FGGY: variants seen among roughly 807,000 people sequenced by gnomAD.
FGGY encodes FGGY carbohydrate kinase domain containing, also known as FGGY carbohydrate kinase domain-containing protein.
FGGY carries 72 observed loss-of-function variants against 71.3 expected under a neutral mutation model. The observed-to-expected ratio is 1.01, with a 90% CI of 0.84 to 1.23. The LOEUF (loss-of-function observed/expected upper bound fraction) is 1.23. Among genes scored for constraint, FGGY ranks in the 50% most tolerant of loss-of-function variants. The probability of loss-of-function intolerance (pLI) is 0.00; values close to 1 mark genes in which losing one functional copy is unlikely to be tolerated. For synonymous variants in FGGY, 251 were observed against 250.3 expected, an observed-to-expected ratio of 1.00 and a Z score of -0.02; for missense variants, 668 against 682.3, an observed-to-expected ratio of 0.98 and a Z score of 0.23.
chr1:59,407,468 G>A (rs1057152130), intron 5 of FGGY, among the ~76,000 whole-genome samples: 4 of 152,166 alleles, frequency 2.6e-5, no homozygotes, highest in South Asian at 4.1e-4. Flanking sequence ...TGCCATCAAT[G>A]CTTGGAAAGC....
chr1:59,691,518 T>C (rs1388300397), intron 14 of FGGY, among the ~76,000 whole-genome samples: 1 of 152,214 alleles, frequency 6.6e-6, no homozygotes, highest in African/African-American at 2.4e-5. Flanking sequence ...GGAGATTGAT[T>C]TTCCGTCTGG....
At chr1:59,362,151 T>C (rs995350126) in intron 4 of FGGY, among the ~76,000 whole-genome samples, 1 of 152,200 alleles carries the variant, frequency 6.6e-6, no homozygotes, top group Admixed American at 6.5e-5. Flanking sequence ...CCCCATTCTT[T>C]TTGGTCTCTT....
At chr1:59,509,414 C>T (rs1479632794) in intron 6 of FGGY, among the ~76,000 whole-genome samples, 1 of 152,142 alleles carries the variant, frequency 6.6e-6, no homozygotes, top group East Asian at 1.9e-4. Context: ...CAAGTTTAAT[C>T]GCTTTCCTCC....
intron 14 of FGGY, among the ~76,000 whole-genome samples, chr1:59,740,670 G>A (rs528066114): frequency 1.2e-4 from 19 of 152,140 alleles, no homozygotes; most frequent in Non-Finnish European, 2.8e-4. Flanking sequence ...CATTTGTTAC[G>A]ATGAAAGAGA....
chr1:59,413,557 G>T (rs558279467), intron 5 of FGGY, among the ~76,000 whole-genome samples: 1 of 152,120 alleles, frequency 6.6e-6, no homozygotes, highest in African/African-American at 2.4e-5. Context: ...AATAACAGTG[G>T]CAGTCAGCAA....
At chr1:59,505,839 A>G (rs2094364684) in intron 6 of FGGY, among the ~76,000 whole-genome samples, 1 of 152,204 alleles carries the variant, frequency 6.6e-6, no homozygotes, top group Admixed American at 6.5e-5. Context: ...CAAAGTGCTC[A>G]TTAGTCATAG....
At chr1:59,562,841 C>G (rs75481875) in intron 8 of FGGY, among the ~76,000 whole-genome samples, 193 of 152,238 alleles carry the variant, frequency 1.3e-3, no homozygotes, top group African/African-American at 4.5e-3. Context: ...CTTCACTGAT[C>G]TATGCTATGT....
At chr1:59,378,626 TGA>T in intron 4 of FGGY, 121 bp from the exon 5 acceptor site, 1 of 751,032 alleles carries the variant, frequency 1.3e-6, no homozygotes, top group African/African-American at 1.8e-5. Flanking sequence ...ACCAAGCTCC[TGA>T]ACAGATGTTT....
chr1:59,411,546 C>A (rs1385267862), intron 5 of FGGY, among the ~76,000 whole-genome samples: 1 of 152,164 alleles, frequency 6.6e-6, no homozygotes, highest in East Asian at 1.9e-4. Flanking sequence ...TAAATTCTTG[C>A]CTGAAACAAT....
At chr1:59,664,417 C>T (rs1412197039) in intron 12 of FGGY, among the ~76,000 whole-genome samples, 2 of 152,198 alleles carry the variant, frequency 1.3e-5, no homozygotes, top group African/African-American at 2.4e-5. Flanking sequence ...TGTCACAGCC[C>T]CTCTCGAGGG....
chr1:59,502,466 G>T (rs939044387), intron 6 of FGGY, among the ~76,000 whole-genome samples: 2 of 152,150 alleles, frequency 1.3e-5, no homozygotes, highest in African/African-American at 4.8e-5. Flanking sequence ...TAGAGAATTG[G>T]GTCACTGTGG....
chr1:59,438,007 G>A (rs890812792), intron 5 of FGGY, among the ~76,000 whole-genome samples: 1 of 152,244 alleles, frequency 6.6e-6, no homozygotes, highest in Non-Finnish European at 1.5e-5. Flanking sequence ...GTGTGTGTAT[G>A]TGAGTGTTTA....
At chr1:59,587,075 C>T (rs1236718023) in intron 8 of FGGY, among the ~76,000 whole-genome samples, 21 of 152,128 alleles carry the variant, frequency 1.4e-4, no homozygotes, top group Middle Eastern at 3.4e-3. Context: ...CCTGGAAAAT[C>T]GGGTCACTCC....
At chr1:59,620,324 A>G (rs1293412205) in intron 9 of FGGY, among the ~76,000 whole-genome samples, 1 of 151,826 alleles carries the variant, frequency 6.6e-6, no homozygotes, top group Non-Finnish European at 1.5e-5. Context: ...TTGCCAATCC[A>G]TCTCTCTTTT....
At chr1:59,484,542 A>G (rs776371252) in intron 6 of FGGY, among the ~76,000 whole-genome samples, 3 of 152,196 alleles carry the variant, frequency 2.0e-5, no homozygotes, top group African/African-American at 4.8e-5. Context: ...AATCACAGAC[A>G]TGACTTTTTT....
rs113091831 is a variant in FGGY at position 59,665,002 on chromosome 1, A to G, written c.1297-2281A>G. Among the ~76,000 whole-genome samples, 136 of 152,314 alleles carry G rather than the reference A, an allele frequency of 8.9e-4. 2 individuals carry two copies. The highest frequency in any genetic ancestry group is 3.1e-3 in the African/African-American group (130 of 41,550). On this transcript the variant is annotated intron_variant, in intron 12 of 15. Transcript: ENST00000303721. Reference sequence around the variant, plus strand: ...GGTACAAGAAATATGTGAAATGCCTAAATGCCAGCCTGGGTTTTTTGAATT... The same window carrying G: ...GGTACAAGAAATATGTGAAATGCCTGAATGCCAGCCTGGGTTTTTTGAATT...
chr1:59,651,505 A>T (rs2097160706), intron 11 of FGGY, among the ~76,000 whole-genome samples: 1 of 146,128 alleles, frequency 6.8e-6, no homozygotes, highest in Non-Finnish European at 1.5e-5. Flanking sequence ...ACCATTATGT[A>T]ATGGCCTTCT....
intron 14 of FGGY, among the ~76,000 whole-genome samples, chr1:59,740,105 G>A (rs768562954): frequency 1.3e-5 from 2 of 152,156 alleles, no homozygotes; most frequent in Non-Finnish European, 2.9e-5. Context: ...AGGCTAAGAG[G>A]TTGTAATGGC....
At chr1:59,426,501 A>C (rs574676396) in intron 5 of FGGY, among the ~76,000 whole-genome samples, 1 of 152,318 alleles carries the variant, frequency 6.6e-6, no homozygotes, top group South Asian at 2.1e-4. Context: ...CAGGACTGAA[A>C]AATAAATTTC....
Sources: gnomAD v4.1 joint callset for allele counts (sites outside exome capture counted in the v4.1 genomes callset) on GRCh38, gnomAD v4.1.1 for gene constraint, MANE v1.5 for transcripts, NCBI Gene and HGNC (gene_info 2026-07-23, HGNC 2026-07-21) for gene names.